Variants in FNIP2 observed in about 807,000 individuals in gnomAD.
The protein encoded by FNIP2 is folliculin interacting protein 2.
FNIP2 carries 32 observed loss-of-function variants against 108.7 expected under a neutral mutation model. The observed-to-expected ratio is 0.29, with a 90% confidence interval of 0.22 to 0.40. The LOEUF (loss-of-function observed/expected upper bound fraction) is 0.40, where lower values mean the gene tolerates loss of function less well. Among genes scored for constraint, FNIP2 ranks in the 10% least tolerant of loss-of-function variants. The pLI, the probability that FNIP2 is intolerant of heterozygous loss-of-function variation, is 1.00. For missense variants in FNIP2, 1,202 were observed against 1,381.6 expected, an observed-to-expected ratio of 0.87 and a Z score of 2.06; for synonymous variants, 480 against 496.7, an observed-to-expected ratio of 0.97 and a Z score of 0.45.
intron 7 of FNIP2, among the ~76,000 whole-genome samples, chr4:158,838,876 C>T (rs979598064): frequency 1.3e-5 from 2 of 152,004 alleles, no homozygotes; most frequent in Admixed American, 6.6e-5. Context: ...CTTTGTTTTT[C>T]GTAATCTTGA....
intron 8 of FNIP2, among the ~76,000 whole-genome samples, chr4:158,855,243 A>G (rs1361514815): frequency 6.6e-6 from 1 of 152,098 alleles, no homozygotes; most frequent in East Asian, 1.9e-4. Context: ...ATTAAACTTC[A>G]CTTACAGCAC....
At chr4:158,832,735 A>T (rs947189567) in intron 5 of FNIP2, among the ~76,000 whole-genome samples, 1 of 152,228 alleles carries the variant, frequency 6.6e-6, no homozygotes, top group African/African-American at 2.4e-5. Context: ...AACATTTAAC[A>T]TTGGAATGTC....
At chr4:158,789,210 G>A (rs1776321361) in intron 1 of FNIP2, among the ~76,000 whole-genome samples, 1 of 152,184 alleles carries the variant, frequency 6.6e-6, no homozygotes, top group African/African-American at 2.4e-5. Context: ...TTTTCAAGGG[G>A]CAGTAGTGAA....
chr4:158,815,375 G>A (rs1286465723), intron 1 of FNIP2, among the ~76,000 whole-genome samples: 1 of 148,020 alleles, frequency 6.8e-6, no homozygotes, highest in Non-Finnish European at 1.5e-5. Context: ...TTTTTCATCA[G>A]TAATCCAGCT....
chr4:158,861,340 A>G lies in FNIP2; in HGVS notation c.1149-2A>G. On this transcript the variant is annotated splice_acceptor_variant, in intron 10 of 16. Transcript: ENST00000264433. LOFTEE classifies it high-confidence loss of function. ...GTGTTTCCCTCTCTTTCTGTTCTAT[A>G]GAGGAACTATCTGGAACTTATATTC... 1 of 1,612,364 alleles carries G rather than the reference A, an allele frequency of 6.2e-7. No individual in the cohort carries two copies.
chr4:158,874,923 CA>C (rs10712018), intron 14 of FNIP2, among the ~76,000 whole-genome samples: 141,596 of 142,890 alleles, frequency 0.99, 70,152 homozygotes, highest in South Asian at 1. Flanking sequence ...TACTAAAATA[CA>C]AAAAAAAAAA....
intron 7 of FNIP2, among the ~76,000 whole-genome samples, chr4:158,845,883 A>G (rs558234432): frequency 6.6e-6 from 1 of 152,380 alleles, no homozygotes; most frequent in South Asian, 2.1e-4. Context: ...CCAACACTGT[A>G]ATATAAACTG....
chr4:158,870,806 G>A (rs1780902407), intron 14 of FNIP2, among the ~76,000 whole-genome samples: 1 of 152,248 alleles, frequency 6.6e-6, no homozygotes, highest in African/African-American at 2.4e-5. Context: ...TCTCTTTCTG[G>A]TGCCTCTCAT....
chr4:158,893,624 A>T lies in FNIP2; in HGVS notation c.3150+1978A>T. 8.5e-6 allele frequency: 11 copies of T among 1,287,518 alleles called. No homozygotes were observed. In the South Asian group the frequency reaches 1.3e-4, roughly 15 times the overall value. 79.8% of individuals were successfully genotyped at this position (1,287,518 alleles called of 1,614,324 possible). ...GCAATATGAGAAGCACTTGTGGATT[A>T]TTATGATCTTATTTTTTGTTATACA... On this transcript the variant is annotated intron_variant, in intron 15 of 16. Transcript: ENST00000264433.
chr4:158,880,596 TA>T (rs1159834869), intron 14 of FNIP2, among the ~76,000 whole-genome samples: 5 of 152,204 alleles, frequency 3.3e-5, no homozygotes, highest in Non-Finnish European at 5.9e-5. Context: ...ATAATAATAA[TA>T]AAAAAAATTC....
chr4:158,771,051 T>C (rs1454534671), intron 1 of FNIP2, among the ~76,000 whole-genome samples: 2 of 152,232 alleles, frequency 1.3e-5, no homozygotes, highest in Non-Finnish European at 2.9e-5. Flanking sequence ...CATGGGAACA[T>C]TTTCAGTAGT....
chr4:158,855,740 C>G (rs1256713893), intron 8 of FNIP2, among the ~76,000 whole-genome samples: 3 of 152,194 alleles, frequency 2.0e-5, no homozygotes, highest in African/African-American at 7.2e-5. Flanking sequence ...GCCACTGCAC[C>G]CGGCCTAAGA....
chr4:158,797,107 T>C (rs950868280), intron 1 of FNIP2, among the ~76,000 whole-genome samples: 3 of 152,218 alleles, frequency 2.0e-5, no homozygotes, highest in African/African-American at 4.8e-5. Context: ...TTAGTTGTCG[T>C]AGCTATTAGA....
chr4:158,805,497 A>G (rs911756834), intron 1 of FNIP2, among the ~76,000 whole-genome samples: 2 of 152,176 alleles, frequency 1.3e-5, no homozygotes, highest in Non-Finnish European at 2.9e-5. Flanking sequence ...TCAGTGCAAG[A>G]GTTCTGAGGG....
chr4:158,847,956 G>A (rs1207485123), intron 7 of FNIP2, among the ~76,000 whole-genome samples: 2 of 152,208 alleles, frequency 1.3e-5, no homozygotes, highest in African/African-American at 2.4e-5. Flanking sequence ...TTGTCTTGTG[G>A]CTTGGGTGCC....
intron 16 of FNIP2, among the ~76,000 whole-genome samples, chr4:158,896,097 T>G (rs577297410): frequency 1.4e-4 from 22 of 152,316 alleles, no homozygotes; most frequent in African/African-American, 5.1e-4. Flanking sequence ...TGGTCGTGCT[T>G]TGTTGCTCTT....
chr4:158,868,282 A>G lies in FNIP2; in HGVS notation c.1646A>G (p.Asn549Ser), dbSNP rs965430535. ...CATGGTGAAGGTGACCAAGTTTTAA[A>G]TGGGAGCAAGATCATAACAGCCTTG... ...GNHGEGDQVLNGSKIITALEK... is the reference protein window; with the variant it reads ...GNHGEGDQVLSGSKIITALEK... Residue 549 changes from asparagine to serine, a missense_variant, in exon 13 of 17, where the codon AAT (asparagine) becomes AGT (serine). Transcript: ENST00000264433. The surrounding 1 kb of genome is among the most constrained non-coding windows in gnomAD (Gnocchi z 4.6). 6.2e-7 allele frequency: 1 copy of G among 1,614,096 alleles called. No individual in the cohort carries two copies. The highest frequency in any genetic ancestry group is 8.5e-7 in the Non-Finnish European group (1 of 1,179,902).
At chr4:158,794,947 CA>C (rs1776538766) in intron 1 of FNIP2, among the ~76,000 whole-genome samples, 1 of 152,172 alleles carries the variant, frequency 6.6e-6, no homozygotes, top group Admixed American at 6.5e-5. Flanking sequence ...CGATTACTGT[CA>C]TAAGTACTAA....
At chr4:158,778,707 A>G (rs1775936687) in intron 1 of FNIP2, among the ~76,000 whole-genome samples, 1 of 152,358 alleles carries the variant, frequency 6.6e-6, no homozygotes, top group East Asian at 1.9e-4. Context: ...AAAACATAGT[A>G]TATACAGGGT....
Sources: allele counts gnomAD v4.1 joint callset (sites outside exome capture counted in the v4.1 genomes callset), GRCh38; gene constraint gnomAD v4.1.1; non-coding constraint Gnocchi (gnomAD v3.1); transcripts MANE v1.5; gene names NCBI Gene and HGNC (gene_info 2026-07-23, HGNC 2026-07-21).